Variants in ZNF606 observed in about 807,000 individuals in gnomAD.
ZNF606 encodes the protein zinc finger protein 606.
ZNF606 carries 37 observed loss-of-function variants against 74.9 expected under a neutral mutation model. The ratio of observed to expected loss-of-function variants is 0.49; its 90% CI spans 0.38 to 0.65. The LOEUF (loss-of-function observed/expected upper bound fraction) is 0.65. Among genes scored for constraint, ZNF606 ranks in the 30% least tolerant of loss-of-function variants. The pLI is 0.00. For missense variants in ZNF606, 852 were observed against 952.9 expected (o/e 0.89, Z 1.39); for synonymous variants, 328 against 312.4 (o/e 1.05, Z -0.53).
Position 58,001,358 on chromosome 19 carries a change from A to G in ZNF606, c.-39T>C. The stretch of plus-strand genomic sequence containing the variant: ...TGACCAGGCACCTGCCCAGGAACAC[A>G]GCAAATCCCAACCTAGTGACAAAAG... On this transcript the variant is annotated 5_prime_UTR_variant, in exon 2 of 7. Transcript: ENST00000551380. The G allele has an allele frequency of 1.2e-6, 2 of 1,614,064 alleles. No individual in the cohort carries two copies. The highest frequency in any genetic ancestry group is 8.5e-7 in the Non-Finnish European group (1 of 1,179,926).
At chr19:57,981,925 C>A (rs746168381) in intron 6 of ZNF606, among the ~76,000 whole-genome samples, 1 of 152,172 alleles carries the variant, frequency 6.6e-6, no homozygotes, top group Non-Finnish European at 1.5e-5. Flanking sequence ...TGACTAAAGT[C>A]GAGACTCAGA....
In ZNF606 at chr19:57,979,220, T is replaced by G; in HGVS notation, c.1460A>C (p.Asn487Thr). Residue 487 changes from asparagine to threonine, a missense_variant, in exon 7 of 7, where the codon AAT becomes ACT. Asn to Thr is a moderately conservative substitution (Grantham distance 65). Around this residue, in one of 3 missense-constraint regions of ZNF606, gnomAD observed 243 missense variants for 359.2 expected, o/e 0.68. Coordinates refer to ENST00000551380, the MANE Select transcript of ZNF606 (RefSeq NM_001348022.3). ...CCAGTTGAAAGATTTCCCACACTCA[T>G]TACAAACATAAGGTTTTTCTCCTGT... ...IHTGEKPYVC[N>T]ECGKSFNWNS... 1 of 1,613,806 alleles carries G rather than the reference T, an allele frequency of 6.2e-7. No individual in the cohort carries two copies. The highest frequency in any genetic ancestry group is 8.5e-7 in the Non-Finnish European group (1 of 1,179,912).
intron 6 of ZNF606, among the ~76,000 whole-genome samples, chr19:57,985,484 A>G (rs544851177): frequency 2.6e-5 from 4 of 152,334 alleles, no homozygotes; most frequent in East Asian, 1.9e-4. Flanking sequence ...TTTACAGGCA[A>G]TGTTTTAAAG....
chr19:57,983,273 T>C (rs1460972818), intron 6 of ZNF606, among the ~76,000 whole-genome samples: 1 of 152,064 alleles, frequency 6.6e-6, no homozygotes, highest in Non-Finnish European at 1.5e-5. Context: ...GTGATGAATA[T>C]ACATGAAATA....
chr19:57,979,459 C>G lies in ZNF606; in HGVS notation c.1221G>C (p.Thr407=). The G allele has an allele frequency of 6.2e-7, 1 of 1,614,118 alleles. No homozygotes were observed. Among genetic ancestry groups the G allele is most frequent in the Non-Finnish European group, 8.5e-7 (1 of 1,180,024 alleles). The change falls in exon 7 of 7, where the codon ACG becomes ACC. Residue 407 remains threonine (T), a synonymous_variant. Coordinates refer to ENST00000551380, the MANE Select transcript of ZNF606 (RefSeq NM_001348022.3). Reference sequence around the variant, plus strand: ...TAAGGTAAGAGCTCCAGATGAAAGACGTCCCACATTCATTGTAGTCATAGG... The same window carrying G: ...TAAGGTAAGAGCTCCAGATGAAAGAGGTCCCACATTCATTGTAGTCATAGG... The part of the protein sequence containing the change: ...EKPYDYNECG[T]SFIWSSYLIQ...
chr19:57,998,783 G>A (rs2123341215), intron 4 of ZNF606: 1 of 152,306 alleles, frequency 6.6e-6, no homozygotes, highest in South Asian at 2.1e-4. Flanking sequence ...GGCTGGGCAG[G>A]AGGACGGCAG....
intron 5 of ZNF606, 77 bp from the exon 6 acceptor site, chr19:57,988,379 C>G (rs1199915850): frequency 1.4e-6 from 2 of 1,455,958 alleles, no homozygotes; most frequent in African/African-American, 2.8e-5. Flanking sequence ...TTGCCTATTC[C>G]TCCCTGTGAC....
At position 58,001,302 on chromosome 19, in the gene ZNF606, C is replaced by T; in HGVS notation, c.18G>A (p.Pro6=). The T allele has an allele frequency of 1.2e-6, 2 of 1,614,120 alleles. No individual in the cohort carries two copies. The highest frequency in any genetic ancestry group is 2.2e-5 in the East Asian group (1 of 44,872). The part of the protein sequence containing the change: MAAIN[P]WASWGALTDQ... ...ACTTGGACTCACCCCAGGAGGCCCA[C>T]GGGTTGATGGCTGCCATCCCGAGGA... Residue 6 remains proline, a synonymous_variant, in exon 2 of 7, where the codon CCG becomes CCA. Transcript: ENST00000551380.
intron 6 of ZNF606, among the ~76,000 whole-genome samples, chr19:57,987,735 G>C (rs1335284035): frequency 6.6e-6 from 1 of 152,148 alleles, no homozygotes. Flanking sequence ...GGCTGAGGTG[G>C]GAGAATCGCT....
At chr19:57,998,424 G>C (rs370607324) in intron 4 of ZNF606, 9 of 152,136 alleles carry the variant, frequency 5.9e-5, no homozygotes, top group African/African-American at 2.2e-4. Context: ...TAACTCTTGA[G>C]AAGGCAAACA....
intron 4 of ZNF606, among the ~76,000 whole-genome samples, chr19:57,992,678 A>G (rs1319572978): frequency 6.6e-6 from 1 of 152,264 alleles, no homozygotes; most frequent in Non-Finnish European, 1.5e-5. Flanking sequence ...TGATAAAGGT[A>G]TTGTGGTTTC....
chr19:57,990,241 T>C (rs1201705750), intron 4 of ZNF606, among the ~76,000 whole-genome samples: 1 of 150,434 alleles, frequency 6.6e-6, no homozygotes, highest in Admixed American at 6.6e-5. Flanking sequence ...AGCAGGCACC[T>C]GTTGTCCCAG....
chr19:57,979,452 T>C lies in ZNF606; in HGVS notation c.1228A>G (p.Ile410Val). 6.2e-7 allele frequency: 1 copy of C among 1,614,142 alleles called. No homozygotes were observed. The highest frequency in any genetic ancestry group is 8.5e-7 in the Non-Finnish European group (1 of 1,180,030). The change falls in exon 7 of 7, where the codon ATC (isoleucine) becomes GTC (valine). Residue 410 changes from isoleucine (I) to valine (V), a missense_variant. By Grantham distance (29) the Ile-to-Val change is conservative. Around this residue, in one of 3 missense-constraint regions of ZNF606, gnomAD observed 545 missense variants for 542.5 expected, o/e 1.00. Coordinates refer to ENST00000551380, the MANE Select transcript of ZNF606 (RefSeq NM_001348022.3). Reference protein sequence around the residue: ...YDYNECGTSFIWSSYLIQHKK... With the variant: ...YDYNECGTSFVWSSYLIQHKK... ...TGTTGAATAAGGTAAGAGCTCCAGA[T>C]GAAAGACGTCCCACATTCATTGTAG...
At chr19:58,002,903 T>G (rs1193903980), upstream of ZNF606, 8 of 445,508 alleles carry the variant, frequency 1.8e-5, no homozygotes, top group Non-Finnish European at 3.6e-5. Context: ...CATGACAGGT[T>G]CCTGGGCCGC....
rs1220552617 is a variant in ZNF606, at chr19:58,001,306, T to C, written c.14A>G (p.Asn5Ser). The C allele has an allele frequency of 6.2e-7, 1 of 1,614,106 alleles. No homozygotes were observed. The highest frequency in any genetic ancestry group is 1.7e-5 in the Admixed American group (1 of 60,014). The change falls in exon 2 of 7, where the codon AAC becomes AGC. Residue 5 changes from asparagine (N) to serine (S), a missense_variant. Asn to Ser is a conservative substitution (Grantham distance 46). Transcript: ENST00000551380. MAAI[N>S]PWASWGALTD... is the part of the protein sequence containing the mutation. ...GGACTCACCCCAGGAGGCCCACGGG[T>C]TGATGGCTGCCATCCCGAGGACTGA...
intron 4 of ZNF606, among the ~76,000 whole-genome samples, chr19:57,991,307 G>T (rs1476731148): frequency 2.0e-5 from 3 of 152,026 alleles, no homozygotes; most frequent in African/African-American, 7.2e-5. Context: ...TGATTGTCAA[G>T]TCCAAAGTTT....
rs1429610520 is a variant in ZNF606 at position 57,980,005 on chromosome 19, A to G, written c.675T>C (p.Phe225=). The change falls in exon 7 of 7, where the codon TTT becomes TTC. Residue 225 remains phenylalanine, a synonymous_variant. Transcript: ENST00000551380. Reference sequence around the variant, plus strand: ...TCTGAGAAACTCTCTGAGATGGAACAAAGTTTAAGTTCTGGCTAAACTCTG... The same window carrying G: ...TCTGAGAAACTCTCTGAGATGGAACGAAGTTTAAGTTCTGGCTAAACTCTG... ...LGAEFSQNLN[F]VPSQRVSQIE... is the part of the protein sequence containing the mutation. 3.1e-6 allele frequency: 5 copies of G among 1,613,630 alleles called. No homozygotes were observed. The African/African-American group carries it at 5.3e-5, about 17-fold the overall frequency.
At chr19:58,001,268 A>T (rs771450111) in intron 2 of ZNF606, 21 bp downstream of exon 2, 1 of 1,612,034 alleles carries the variant, frequency 6.2e-7, no homozygotes, top group East Asian at 2.2e-5. Context: ...GAGGCCCAGG[A>T]GAAACACAAC....
intron 4 of ZNF606, among the ~76,000 whole-genome samples, chr19:57,993,902 C>T (rs2073297504): frequency 6.6e-6 from 1 of 152,188 alleles, no homozygotes; most frequent in Admixed American, 6.5e-5. Flanking sequence ...TGAATCAGAT[C>T]TATGCAGCTG....
Sources: allele counts gnomAD v4.1 joint callset (sites outside exome capture counted in the v4.1 genomes callset), GRCh38; gene constraint gnomAD v4.1.1; regional missense constraint gnomAD v4.1.1; transcripts MANE v1.5; gene names NCBI Gene and HGNC (gene_info 2026-07-23, HGNC 2026-07-21).